Variants in PCDHGA1 observed in about 807,000 individuals in gnomAD.
The protein encoded by PCDHGA1 is protocadherin gamma-A1.
Under a neutral mutation model 58.0 loss-of-function variants are expected in PCDHGA1, and 32 were observed. That is an observed-to-expected ratio of 0.55 (90% CI 0.42 to 0.74). PCDHGA1 has a LOEUF of 0.74. PCDHGA1 is among the 30% of genes least tolerant of loss of function. The pLI is 0.00. For missense variants in PCDHGA1, 1,205 were observed against 1,182.3 expected, an observed-to-expected ratio of 1.02 and a Z score of -0.28; for synonymous variants, 498 against 501.1, an observed-to-expected ratio of 0.99 and a Z score of 0.08.
chr5:141,419,138 A>G (rs1590146439), intron 1 of PCDHGA1: 1 of 1,613,920 alleles, frequency 6.2e-7, no homozygotes, highest in Non-Finnish European at 8.5e-7. Flanking sequence ...AGCCACAGAC[A>G]GGGGCAAGCC....
chr5:141,398,787 A>T, intron 1 of PCDHGA1: 1 of 1,613,902 alleles, frequency 6.2e-7, no homozygotes, highest in African/African-American at 1.3e-5. Flanking sequence ...GTGGACATCC[A>T]CCCCTAAGCG....
intron 1 of PCDHGA1, among the ~76,000 whole-genome samples, chr5:141,348,417 C>T (rs903044616): frequency 2.0e-5 from 3 of 151,750 alleles, no homozygotes; most frequent in Admixed American, 6.6e-5. Context: ...GAAAAAGGCA[C>T]GTAACTTTTA....
chr5:141,389,560 G>C (rs1323439261), intron 1 of PCDHGA1: 2 of 1,613,106 alleles, frequency 1.2e-6, no homozygotes, highest in South Asian at 1.1e-5. Context: ...AATGCGCCAC[G>C]GGTGCTGTAC....
At chr5:141,430,584 G>A (rs1451886397) in intron 1 of PCDHGA1, 3 of 495,136 alleles carry the variant, frequency 6.1e-6, no homozygotes, top group African/African-American at 5.9e-5. Flanking sequence ...GATCCTGCTC[G>A]CCTTGCACGC....
chr5:141,391,885 G>C (rs1250781964), intron 1 of PCDHGA1: 2 of 152,194 alleles, frequency 1.3e-5, no homozygotes, highest in Non-Finnish European at 2.9e-5. Flanking sequence ...TGGTGAAAGG[G>C]ATGGGATGGA....
chr5:141,344,824 T>C (rs755674373), intron 1 of PCDHGA1: 10 of 1,613,956 alleles, frequency 6.2e-6, no homozygotes, highest in Non-Finnish European at 8.5e-6. Context: ...CTGCTCACGG[T>C]GAATGCCACT....
At chr5:141,380,165 G>C (rs900894194) in intron 1 of PCDHGA1, among the ~76,000 whole-genome samples, 2 of 152,092 alleles carry the variant, frequency 1.3e-5, no homozygotes, top group Non-Finnish European at 2.9e-5. Flanking sequence ...CTCTCAAAGG[G>C]CTGGGATTAC....
intron 1 of PCDHGA1, among the ~76,000 whole-genome samples, chr5:141,483,057 C>T (rs1329609397): frequency 6.6e-6 from 1 of 152,028 alleles, no homozygotes; most frequent in African/African-American, 2.4e-5. Flanking sequence ...TGCACTCCAG[C>T]ATGGGCAACA....
intron 1 of PCDHGA1, among the ~76,000 whole-genome samples, chr5:141,488,115 G>A (rs936010936): frequency 1.4e-4 from 21 of 152,298 alleles, no homozygotes; most frequent in Middle Eastern, 3.4e-3. Flanking sequence ...TTGAAACATA[G>A]AGACAGCAGA....
chr5:141,471,626 G>A (rs938624727), intron 1 of PCDHGA1: 2 of 152,108 alleles, frequency 1.3e-5, no homozygotes, highest in South Asian at 4.1e-4. Context: ...GTAAGCATTG[G>A]TATGGATTAG....
Position 141,431,634 on chromosome 5 carries a change from T to C in PCDHGA1, c.2422-63173T>C. 2.5e-6 allele frequency: 4 copies of C among 1,614,238 alleles called. No homozygotes were observed. Among genetic ancestry groups the C allele is most frequent in the Non-Finnish European group, 3.4e-6 (4 of 1,180,044 alleles). ...GTGGACGACAAGGCGGCCCAAGTTTTCAAACTAGATTGTAATTCAGGGACA... is the reference window on the plus strand; with the variant it reads ...GTGGACGACAAGGCGGCCCAAGTTTCCAAACTAGATTGTAATTCAGGGACA... On this transcript the variant is annotated intron_variant, in intron 1 of 3. Coordinates refer to ENST00000517417, the MANE Select transcript of PCDHGA1 (RefSeq NM_018912.3). The surrounding 1 kb of genome is among the most constrained non-coding windows in gnomAD (Gnocchi z 4.8).
intron 1 of PCDHGA1, chr5:141,414,187 T>A: frequency 6.2e-7 from 1 of 1,609,834 alleles, no homozygotes; most frequent in South Asian, 1.1e-5. Flanking sequence ...TGCAAAAGTG[T>A]TGATTACAGT....
chr5:141,421,530 C>T (rs377652360), intron 1 of PCDHGA1: 274 of 1,613,922 alleles, frequency 1.7e-4, no homozygotes, highest in Non-Finnish European at 2.3e-4. Flanking sequence ...AGACGGTGTC[C>T]TCCTGTTTTT....
At position 141,490,171 on chromosome 5, in the gene PCDHGA1, G is replaced by A. The variant is rs374421995; in HGVS notation, c.2422-4636G>A. 4 of 1,614,100 alleles carry A rather than the reference G, an allele frequency of 2.5e-6. No individual in the cohort carries two copies. The highest frequency in any genetic ancestry group is 3.4e-6 in the Non-Finnish European group (4 of 1,180,034). On this transcript the variant is annotated intron_variant, in intron 1 of 3. Coordinates refer to ENST00000517417, the MANE Select transcript of PCDHGA1 (RefSeq NM_018912.3). The surrounding 1 kb of genome is among the most constrained non-coding windows in gnomAD (Gnocchi z 5.4). ...CCATGTGTTGGGTCCCATAGACTTT[G>A]AGGAGTCACGTTTCTATGAAATTCA...
chr5:141,344,747 C>G, intron 1 of PCDHGA1: 4 of 1,614,018 alleles, frequency 2.5e-6, no homozygotes, highest in Non-Finnish European at 3.4e-6. Context: ...CAAATGACAA[C>G]CCACCAATGT....
chr5:141,371,712 C>T (rs1403380623), intron 1 of PCDHGA1: 1 of 1,614,078 alleles, frequency 6.2e-7, no homozygotes, highest in Admixed American at 1.7e-5. Context: ...GACCATCACT[C>T]TGCACATCCT....
intron 1 of PCDHGA1, chr5:141,340,457 G>C: frequency 6.2e-7 from 1 of 1,614,196 alleles, no homozygotes; most frequent in South Asian, 1.1e-5. Flanking sequence ...GGAGGACACT[G>C]TTCAGGGGGC....
At chr5:141,352,708 G>T (rs193159920) in intron 1 of PCDHGA1, 2 of 1,543,542 alleles carry the variant, frequency 1.3e-6, no homozygotes, top group African/African-American at 2.7e-5. Context: ...TATATATGGC[G>T]GCCGGGCGCG....
intron 1 of PCDHGA1, chr5:141,352,223 A>G (rs770322900): frequency 1.2e-6 from 2 of 1,614,072 alleles, no homozygotes; most frequent in Non-Finnish European, 1.7e-6. Context: ...CGCCACCGCC[A>G]CGCTGCACCT....
Sources: gnomAD v4.1 joint callset for allele counts (sites outside exome capture counted in the v4.1 genomes callset) on GRCh38, gnomAD v4.1.1 for gene constraint, Gnocchi (gnomAD v3.1) non-coding constraint, MANE v1.5 for transcripts, NCBI Gene and HGNC (gene_info 2026-07-23, HGNC 2026-07-21) for gene names.